TMEM79: variants seen among roughly 807,000 people sequenced by gnomAD.
The protein encoded by TMEM79 is mattrin.
In TMEM79, 30 loss-of-function variants were observed where a neutral mutation model predicts 31.2. The observed-to-expected ratio is 0.96, with a 90% CI of 0.72 to 1.30. The LOEUF is 1.30. TMEM79 is among the 50% of genes most tolerant of loss of function. TMEM79 has a pLI of 0.00. For synonymous variants in TMEM79, 213 were observed against 229.5 expected, an observed-to-expected ratio of 0.93 and a Z score of 0.65; for missense variants, 509 against 528.2, an observed-to-expected ratio of 0.96 and a Z score of 0.36.
chr1:156,285,831 C>T lies in TMEM79; in HGVS notation c.605C>T (p.Ala202Val). 6.2e-7 allele frequency: 1 copy of T among 1,613,606 alleles called. No homozygotes were observed. The highest frequency in any genetic ancestry group is 8.5e-7 in the Non-Finnish European group (1 of 1,180,002). Reference sequence around the variant, plus strand: ...GACCGTGAGTGGCTAAGGGCTGTGGCCTCCGTGGGAGCCGCACTCATTCTC... The same window carrying T: ...GACCGTGAGTGGCTAAGGGCTGTGGTCTCCGTGGGAGCCGCACTCATTCTC... Reference protein sequence around the residue: ...CGDREWLRAVASVGAALILFP... With the variant: ...CGDREWLRAVVSVGAALILFP... The change falls in exon 2 of 4, where the codon GCC becomes GTC. Residue 202 changes from alanine to valine, a missense_variant. By Grantham distance (64) the Ala-to-Val change is moderately conservative. Coordinates refer to ENST00000405535, the MANE Select transcript of TMEM79 (RefSeq NM_032323.3).
At position 156,285,892 on chromosome 1, in the gene TMEM79, G is replaced by A. The variant is rs763210303; in HGVS notation, c.666G>A (p.Leu222=). The A allele has an allele frequency of 9.3e-6, 15 of 1,613,832 alleles. No homozygotes were observed. The highest frequency in any genetic ancestry group is 6.7e-5 in the Admixed American group (4 of 60,008). Residue 222 remains leucine (L), a synonymous_variant, in exon 2 of 4, where the codon CTG becomes CTA. Coordinates refer to ENST00000405535, the MANE Select transcript of TMEM79 (RefSeq NM_032323.3). ...PCLLYGAYAF[L]PFDVPRLPTM... ...TACTATACGGGGCATATGCCTTCCT[G>A]CCGTTTGATGTCCCACGGCTGCCCA... is the stretch of plus-strand genomic sequence containing the variant.
rs1663350020 is a variant in TMEM79 at position 156,291,900 on chromosome 1, T to C, written c.*302T>C. 3 of 582,460 alleles carry C rather than the reference T, an allele frequency of 5.2e-6. No homozygotes were observed. In the East Asian group the frequency reaches 8.4e-5, roughly 16 times the overall value. The allele number at this position is 582,460 out of a possible 1,614,324, so 36.1% of individuals were successfully genotyped here. On this transcript the variant is annotated 3_prime_UTR_variant, in exon 4 of 4. Coordinates refer to ENST00000405535, the MANE Select transcript of TMEM79 (RefSeq NM_032323.3). ...GCCAGGACCAGGGGAGAGGCACAGC[T>C]CCTTCCTGAGCAGCCTCTCACCACT...
At position 156,286,474 on chromosome 1, in the gene TMEM79, G is replaced by A. The variant is rs367552573; in HGVS notation, c.971+1G>A. On this transcript the variant is annotated splice_donor_variant, in intron 3 of 3. Coordinates refer to ENST00000405535, the MANE Select transcript of TMEM79 (RefSeq NM_032323.3). LOFTEE classifies it high-confidence loss of function. ...TCACTGGTCTCTTTGCCGTCTCCCG[G>A]TAAGTTGGGGCAGAGGGTGGGGCAT... 1.9e-6 allele frequency: 3 copies of A among 1,613,944 alleles called. No individual in the cohort carries two copies. In the African/African-American group the frequency reaches 4.0e-5, roughly 22 times the overall value.
Position 156,285,520 on chromosome 1 carries a change from A to T in TMEM79, c.294A>T (p.Glu98Asp). 6.2e-7 allele frequency: 1 copy of T among 1,614,174 alleles called. No individual in the cohort carries two copies. The highest frequency in any genetic ancestry group is 8.5e-7 in the Non-Finnish European group (1 of 1,180,038). The change falls in exon 2 of 4, where the codon GAA (glutamate) becomes GAT (aspartate). Residue 98 changes from glutamate (E) to aspartate (D), a missense_variant. Glu to Asp is a conservative substitution (Grantham distance 45). Transcript: ENST00000405535. ...FPDPPGWRDI[E>D]PEPPESEPLT... is the part of the protein sequence containing the mutation. ...ATCCCCCTGGCTGGCGGGACATTGA[A>T]CCAGAGCCCCCTGAGTCAGAACCAC...
Position 156,286,344 on chromosome 1 carries a change from G to A in TMEM79, c.842G>A (p.Arg281Gln), listed in dbSNP as rs764590643. Residue 281 changes from arginine to glutamine, a missense_variant, in exon 3 of 4, where the codon CGG becomes CAG. Physicochemically the swap from Arg to Gln is conservative, Grantham distance 43 (BLOSUM62 1). Coordinates refer to ENST00000405535, the MANE Select transcript of TMEM79 (RefSeq NM_032323.3). ...GEPRREVEIHRRYVAQSVQLF... is the reference protein window; with the variant it reads ...GEPRREVEIHQRYVAQSVQLF... Reference sequence around the variant, plus strand: ...CCACGGCGGGAGGTGGAGATCCACCGGCGATATGTGGCCCAGTCGGTCCAG... The same window carrying A: ...CCACGGCGGGAGGTGGAGATCCACCAGCGATATGTGGCCCAGTCGGTCCAG... 10 of 1,614,034 alleles carry A rather than the reference G, an allele frequency of 6.2e-6. No individual in the cohort carries two copies. The highest frequency in any genetic ancestry group is 5.0e-5 in the Admixed American group (3 of 60,002).
chr1:156,289,135 G>A (rs574527453), intron 3 of TMEM79, among the ~76,000 whole-genome samples: 10 of 152,318 alleles, frequency 6.6e-5, no homozygotes, highest in African/African-American at 1.9e-4. Flanking sequence ...AAATGAGGTC[G>A]TTATGAGGAT....
In TMEM79 at chr1:156,285,748, G is replaced by A; in HGVS notation, c.522G>A (p.Trp174Ter). Residue 174 changes from tryptophan (W) to a stop codon, truncating the protein, a stop_gained, in exon 2 of 4, where the codon TGG becomes TGA. Coordinates refer to ENST00000405535, the MANE Select transcript of TMEM79 (RefSeq NM_032323.3). LOFTEE classifies it high-confidence loss of function. ...ACCCCGACCCCACTGAGCGCAAGTG[G>A]GCTGAGGCAGTGGTGAGGCCGCCTG... The part of the protein sequence containing the change: ...VTHPDPTERK[W>*]AEAVVRPPGC... 6.2e-7 allele frequency: 1 copy of A among 1,613,328 alleles called. No homozygotes were observed. The highest frequency in any genetic ancestry group is 1.3e-5 in the African/African-American group (1 of 75,070).
intron 3 of TMEM79, among the ~76,000 whole-genome samples, chr1:156,288,085 A>G (rs12121805): frequency 0.24 from 36,567 of 151,274 alleles, 4,908 homozygotes; most frequent in Non-Finnish European, 0.29. Context: ...TGCGGTGGCG[A>G]GCGCCTACAG....
In TMEM79 at chr1:156,285,633, G is replaced by A; in HGVS notation, c.407G>A (p.Cys136Tyr). 1 of 1,614,098 alleles carries A rather than the reference G, an allele frequency of 6.2e-7. No homozygotes were observed. The highest frequency in any genetic ancestry group is 8.5e-7 in the Non-Finnish European group (1 of 1,180,010). ...ARAFVPIDLQ[C>Y]IERQPQEDLI... Reference sequence around the variant, plus strand: ...GCCTTCGTGCCTATTGACCTACAGTGCATTGAGCGGCAGCCCCAAGAAGAC... The same window carrying A: ...GCCTTCGTGCCTATTGACCTACAGTACATTGAGCGGCAGCCCCAAGAAGAC... The change falls in exon 2 of 4, where the codon TGC (cysteine) becomes TAC (tyrosine). Residue 136 changes from cysteine to tyrosine, a missense_variant. By Grantham distance (194) the Cys-to-Tyr change is radical (BLOSUM62 -2). Coordinates refer to ENST00000405535, the MANE Select transcript of TMEM79 (RefSeq NM_032323.3).
intron 3 of TMEM79, among the ~76,000 whole-genome samples, chr1:156,288,911 G>C (rs923485725): frequency 6.6e-6 from 1 of 152,184 alleles, no homozygotes; most frequent in Admixed American, 6.5e-5. Context: ...AAAATCATCA[G>C]GGAGCTAAAG....
At chr1:156,286,053 G>A (rs1485297283) in intron 2 of TMEM79, 70 bp downstream of exon 2, 7 of 1,539,272 alleles carry the variant, frequency 4.5e-6, no homozygotes, top group Non-Finnish European at 6.1e-6. Context: ...CTGGTGTGGG[G>A]AGCAGGAGGA....
rs769585882 is a variant in TMEM79 at position 156,291,528 on chromosome 1, C to G, written c.1115C>G (p.Thr372Ser). 6.2e-7 allele frequency: 1 copy of G among 1,610,406 alleles called. No individual in the cohort carries two copies. The highest frequency in any genetic ancestry group is 1.1e-5 in the South Asian group (1 of 91,086). ...GAGCCGGAGCGCATGCTCACTGCCACCGAGAGCCGCCTGGACTACCCGGAC... is the reference window on the plus strand; with the variant it reads ...GAGCCGGAGCGCATGCTCACTGCCAGCGAGAGCCGCCTGGACTACCCGGAC... Reference protein sequence around the residue: ...VVEPERMLTATESRLDYPDHA... With the variant: ...VVEPERMLTASESRLDYPDHA... The change falls in exon 4 of 4, where the codon ACC becomes AGC. Residue 372 changes from threonine to serine, a missense_variant. By Grantham distance (58) the Thr-to-Ser change is moderately conservative. Transcript: ENST00000405535.
rs562338202 is a variant in TMEM79 at position 156,291,769 on chromosome 1, C to T, written c.*171C>T. ...AATCGGAGTTCTCCCCTTGCCGGAG[C>T]TGCCCTTCACCTTTGGGGCCCGAGA... On this transcript the variant is annotated 3_prime_UTR_variant, in exon 4 of 4. Coordinates refer to ENST00000405535, the MANE Select transcript of TMEM79 (RefSeq NM_032323.3). 1.4e-5 allele frequency: 9 copies of T among 633,830 alleles called. 1 individual carries two copies. The Middle Eastern group carries it at 1.0e-3, about 72-fold the overall frequency. 39.3% of individuals were successfully genotyped at this position (633,830 alleles called of 1,614,324 possible).
At chr1:156,286,190 C>G in intron 2 of TMEM79, 70 bp from the exon 3 acceptor site, 2 of 1,514,350 alleles carry the variant, frequency 1.3e-6, no homozygotes, top group South Asian at 2.4e-5. Context: ...TGAATCTGCC[C>G]CCAGCTTACT....
Position 156,285,662 on chromosome 1 carries a change from A to G in TMEM79, c.436A>G (p.Ile146Val), listed in dbSNP as rs780116245. 6 of 1,613,802 alleles carry G rather than the reference A, an allele frequency of 3.7e-6. No homozygotes were observed. The East Asian group carries it at 8.9e-5, about 24-fold the overall frequency. ...CIERQPQEDL[I>V]VRCEAGEGEC... ...TGAGCGGCAGCCCCAAGAAGACCTT[A>G]TCGTGCGCTGTGAGGCAGGCGAGGG... The change falls in exon 2 of 4, where the codon ATC (isoleucine) becomes GTC (valine). Residue 146 changes from isoleucine to valine, a missense_variant. Coordinates refer to ENST00000405535, the MANE Select transcript of TMEM79 (RefSeq NM_032323.3).
chr1:156,283,085 C>G (rs1032156057), upstream of TMEM79: 30 of 391,710 alleles, frequency 7.7e-5, no homozygotes, highest in Middle Eastern at 1.9e-3. Flanking sequence ...CAGCTAGGAG[C>G]GTGACTGCTT....
chr1:156,289,408 A>G (rs1663252375), intron 3 of TMEM79, among the ~76,000 whole-genome samples: 1 of 152,196 alleles, frequency 6.6e-6, no homozygotes, highest in African/African-American at 2.4e-5. Context: ...GGAGATCGAG[A>G]CCATCCTGGC....
intron 3 of TMEM79, among the ~76,000 whole-genome samples, chr1:156,288,374 T>C (rs1269773496): frequency 6.6e-6 from 1 of 151,368 alleles, no homozygotes; most frequent in Admixed American, 6.6e-5. Context: ...CTTACTCTGT[T>C]ACCCAGGCTG....
chr1:156,289,026 A>T (rs967681536), intron 3 of TMEM79, among the ~76,000 whole-genome samples: 1 of 152,202 alleles, frequency 6.6e-6, no homozygotes. Context: ...TAGTGGCAGG[A>T]CTAGAATCCA....
Sources: allele counts gnomAD v4.1 joint callset (sites outside exome capture counted in the v4.1 genomes callset), GRCh38; gene constraint gnomAD v4.1.1; transcripts MANE v1.5; gene names NCBI Gene and HGNC (gene_info 2026-07-23, HGNC 2026-07-21).